Variants in CDH18 observed in about 807,000 individuals in gnomAD.
CDH18 encodes cadherin 18.
CDH18 carries 31 observed loss-of-function variants against 67.9 expected under a neutral mutation model. That is an observed-to-expected ratio of 0.46 (90% CI 0.34 to 0.62). CDH18 has a LOEUF of 0.62. CDH18 is among the 20% of genes least tolerant of loss of function. The pLI is 0.01. For synonymous variants in CDH18, 362 were observed against 347.2 expected (o/e 1.04, Z -0.48); for missense variants, 890 against 975.5 (o/e 0.91, Z 1.17).
At chr5:20,023,148 C>G (rs1231993518) in intron 2 of CDH18, among the ~76,000 whole-genome samples, 4 of 152,132 alleles carry the variant, frequency 2.6e-5, no homozygotes, top group African/African-American at 9.7e-5. Context: ...CCATTCTGAT[C>G]TGACATATTC....
At chr5:20,453,931 G>A (rs113203110) in intron 1 of CDH18, among the ~76,000 whole-genome samples, 12 of 152,060 alleles carry the variant, frequency 7.9e-5, no homozygotes, top group Admixed American at 2.6e-4. Flanking sequence ...TAACAGTTGC[G>A]AAGGGAGATA....
chr5:20,390,185 A>C (rs1461402381), intron 1 of CDH18, among the ~76,000 whole-genome samples: 3 of 152,170 alleles, frequency 2.0e-5, no homozygotes, highest in Admixed American at 1.3e-4. Flanking sequence ...AGAAACTACT[A>C]TCAGAGTGAA....
chr5:19,592,860 T>C (rs1283085650), intron 6 of CDH18, among the ~76,000 whole-genome samples: 1 of 151,990 alleles, frequency 6.6e-6, no homozygotes, highest in African/African-American at 2.4e-5. Flanking sequence ...AACCACTCCA[T>C]TCTTTGATTG....
chr5:20,030,007 C>T (rs1739247249), intron 2 of CDH18, among the ~76,000 whole-genome samples: 1 of 152,186 alleles, frequency 6.6e-6, no homozygotes, highest in East Asian at 1.9e-4. Context: ...TCCATGATGG[C>T]TGTTGGCTGG....
chr5:20,407,026 G>A (rs1746330253), intron 1 of CDH18, among the ~76,000 whole-genome samples: 3 of 152,034 alleles, frequency 2.0e-5, no homozygotes, highest in Admixed American at 2.0e-4. Flanking sequence ...ACTTATCCAG[G>A]GGCTATTCAA....
At chr5:19,863,023 G>GA (rs79523974) in intron 2 of CDH18, among the ~76,000 whole-genome samples, 135,194 of 151,934 alleles carry the variant, frequency 0.89, 60,288 homozygotes, top group Non-Finnish European at 0.91. Flanking sequence ...TTTAACGGGG[G>GA]AAAAAATGGG....
intron 4 of CDH18, among the ~76,000 whole-genome samples, chr5:19,726,640 G>A (rs941335672): frequency 2.0e-5 from 3 of 152,080 alleles, no homozygotes; most frequent in Non-Finnish European, 2.9e-5. Flanking sequence ...GAAAGCTTAA[G>A]GCTGAAAGAA....
chr5:20,120,573 T>C (rs1748274867), intron 2 of CDH18, among the ~76,000 whole-genome samples: 1 of 152,178 alleles, frequency 6.6e-6, no homozygotes, highest in Admixed American at 6.5e-5. Context: ...TCTGTATTAC[T>C]AAACTATATT....
At chr5:19,484,383 C>T (rs1740010703) in intron 11 of CDH18, among the ~76,000 whole-genome samples, 1 of 152,182 alleles carries the variant, frequency 6.6e-6, no homozygotes, top group Non-Finnish European at 1.5e-5. Context: ...CCCTGCTCAA[C>T]ACCACAATGT....
At chr5:19,913,445 C>G (rs894661761) in intron 2 of CDH18, among the ~76,000 whole-genome samples, 1 of 152,042 alleles carries the variant, frequency 6.6e-6, no homozygotes, top group South Asian at 2.1e-4. Flanking sequence ...ATGCTGAGTT[C>G]CCAAGGTTGT....
At chr5:19,645,984 C>G (rs1754678126) in intron 5 of CDH18, among the ~76,000 whole-genome samples, 2 of 151,898 alleles carry the variant, frequency 1.3e-5, no homozygotes, top group Non-Finnish European at 2.9e-5. Flanking sequence ...TATATGGAAG[C>G]AAGAAAAGAA....
At chr5:19,952,714 A>T (rs1373705759) in intron 2 of CDH18, among the ~76,000 whole-genome samples, 2 of 152,182 alleles carry the variant, frequency 1.3e-5, no homozygotes, top group African/African-American at 4.8e-5. Flanking sequence ...ACTGGCCACT[A>T]TATAACACAG....
chr5:19,925,478 C>G (rs7380874), intron 2 of CDH18, among the ~76,000 whole-genome samples: 130,016 of 152,106 alleles, frequency 0.85, 56,562 homozygotes, highest in South Asian at 0.95. Flanking sequence ...TGATTAGCAT[C>G]GCACTGCATT....
chr5:20,493,315 C>T (rs1338568750), intron 1 of CDH18, among the ~76,000 whole-genome samples: 2 of 127,842 alleles, frequency 1.6e-5, no homozygotes, highest in African/African-American at 5.7e-5. Context: ...TGCAACTGCA[C>T]TCCAGCCTGG....
intron 8 of CDH18, among the ~76,000 whole-genome samples, chr5:19,567,690 G>A (rs1415280904): frequency 6.6e-6 from 1 of 152,110 alleles, no homozygotes; most frequent in Non-Finnish European, 1.5e-5. Context: ...AGCAGCTATG[G>A]AGTCTAATTA....
intron 2 of CDH18, among the ~76,000 whole-genome samples, chr5:19,923,065 T>C (rs778520327): frequency 6.6e-6 from 1 of 152,158 alleles, no homozygotes; most frequent in Non-Finnish European, 1.5e-5. Context: ...CTTCGAGCAA[T>C]AGGGTACATT....
intron 1 of CDH18, among the ~76,000 whole-genome samples, chr5:20,429,746 C>T (rs1748593922): frequency 6.6e-6 from 1 of 152,056 alleles, no homozygotes; most frequent in Non-Finnish European, 1.5e-5. Flanking sequence ...ATGTGATATT[C>T]AAACATTAAA....
intron 7 of CDH18, among the ~76,000 whole-genome samples, chr5:19,578,896 G>A (rs1303520759): frequency 6.6e-6 from 1 of 151,350 alleles, no homozygotes; most frequent in African/African-American, 2.4e-5. Context: ...GTTTTCTGAT[G>A]TTTTTCACTA....
At chr5:20,346,596 G>T (rs546993415) in intron 1 of CDH18, among the ~76,000 whole-genome samples, 1 of 152,158 alleles carries the variant, frequency 6.6e-6, no homozygotes, top group Non-Finnish European at 1.5e-5. Flanking sequence ...TGGGCCTTGA[G>T]TTGCCTATAC....
Sources: gnomAD v4.1 joint callset for allele counts (sites outside exome capture counted in the v4.1 genomes callset) on GRCh38, gnomAD v4.1.1 for gene constraint, MANE v1.5 for transcripts, NCBI Gene and HGNC (gene_info 2026-07-23, HGNC 2026-07-21) for gene names.